Variants in C11orf65 observed in about 807,000 individuals in gnomAD.
C11orf65 encodes chromosome 11 open reading frame 65, also known as protein MFI.
A neutral mutation model predicts 35.3 loss-of-function variants in C11orf65; 38 were observed. The ratio of observed to expected loss-of-function variants is 1.08; its 90% CI spans 0.83 to 1.41. C11orf65 has a LOEUF of 1.41. C11orf65 is among the 40% of genes most tolerant of loss of function. The pLI, the probability that C11orf65 is intolerant of heterozygous loss-of-function variation, is 0.00. For missense variants in C11orf65, 370 were observed against 367.1 expected (o/e 1.01, Z -0.06); for synonymous variants, 105 against 114.4 (o/e 0.92, Z 0.53).
intron 3 of C11orf65, among the ~76,000 whole-genome samples, chr11:108,412,393 C>T (rs2092673645): frequency 6.6e-6 from 1 of 151,892 alleles, no homozygotes; most frequent in African/African-American, 2.4e-5. Flanking sequence ...CTTTAAATGT[C>T]AATGATCTAC....
chr11:108,464,682 C>A (rs1409196508), intron 1 of C11orf65, among the ~76,000 whole-genome samples: 1 of 151,980 alleles, frequency 6.6e-6, no homozygotes, highest in Non-Finnish European at 1.5e-5. Context: ...TGAATTGACT[C>A]TCTCTGGAAA....
intron 6 of C11orf65, among the ~76,000 whole-genome samples, chr11:108,398,600 T>C (rs576180398): frequency 3.9e-4 from 60 of 152,242 alleles, no homozygotes; most frequent in Non-Finnish European, 3.7e-4. Flanking sequence ...TTATTCTTCA[T>C]GTGCATTGGC....
Position 108,367,307 on chromosome 11 carries a change from C to T in C11orf65, c.226+25901G>A, listed in dbSNP as rs114847811. On this transcript the variant is annotated intron_variant, in intron 2 of 3. Coordinates refer to the C11orf65 transcript ENST00000524755. ...CGGCCTCATTCCCCTCATTTTTGAC[C>T]GTAAGGATTTCCCCTTTCTTGTAAG... is the stretch of plus-strand genomic sequence containing the variant. The T allele has an allele frequency of 5.9e-3, 1,067 of 182,350 alleles. 16 individuals are homozygous for T. Among genetic ancestry groups the T allele is most frequent in the African/African-American group, 0.023 (975 of 42,532 alleles). 11.3% of individuals were successfully genotyped at this position (182,350 alleles called of 1,614,324 possible). A position where few individuals can be genotyped will look rare whatever the true frequency, so the allele number is the denominator to read the frequency against.
chr11:108,391,380 AT>A (rs1304403044), intron 7 of C11orf65, among the ~76,000 whole-genome samples: 2 of 151,848 alleles, frequency 1.3e-5, no homozygotes, highest in Non-Finnish European at 2.9e-5. Context: ...ACCATAATGA[AT>A]TTTCTTTTCT....
At chr11:108,427,015 T>A (rs906641081) in intron 3 of C11orf65, among the ~76,000 whole-genome samples, 1 of 152,158 alleles carries the variant, frequency 6.6e-6, no homozygotes. Context: ...CCCCCCTTCC[T>A]TACACCTTAT....
At position 108,354,588 on chromosome 11, in the gene C11orf65, T is replaced by C. The variant is rs55894628; in HGVS notation, c.227-19296A>G. On this transcript the variant is annotated intron_variant, in intron 2 of 3. Transcript: ENST00000524755. ...GCCTGTAATCAATAGTGTTGTGTTATTCTTGTAAATGCCAAGCTTGTGAAA... is the reference window on the plus strand; with the variant it reads ...GCCTGTAATCAATAGTGTTGTGTTACTCTTGTAAATGCCAAGCTTGTGAAA... Among the ~76,000 whole-genome samples the C allele has an allele frequency of 9.0e-3, 1,369 of 152,336 alleles. 20 individuals carry two copies. Among genetic ancestry groups the C allele is most frequent in the African/African-American group, 0.031 (1,292 of 41,572 alleles).
intron 2 of C11orf65, among the ~76,000 whole-genome samples, chr11:108,338,655 T>TAA (rs370655293): frequency 6.9e-6 from 1 of 144,638 alleles, no homozygotes; most frequent in Non-Finnish European, 1.5e-5. Flanking sequence ...GAACTTGTCT[T>TAA]AAAAAAAAAA....
chr11:108,385,035 C>G (rs759713807), intron 8 of C11orf65, among the ~76,000 whole-genome samples: 2 of 152,080 alleles, frequency 1.3e-5, no homozygotes, highest in Non-Finnish European at 2.9e-5. Context: ...CATTTTGAGG[C>G]ATTTATTTTG....
chr11:108,352,202 T>C (rs1160333655), intron 2 of C11orf65, among the ~76,000 whole-genome samples: 1 of 152,218 alleles, frequency 6.6e-6, no homozygotes, highest in Non-Finnish European at 1.5e-5. Context: ...ATGACAATGA[T>C]GTTGGAATTA....
chr11:108,406,623 G>C, intron 5 of C11orf65, 140 bp downstream of exon 5: 1 of 521,542 alleles, frequency 1.9e-6, no homozygotes, highest in South Asian at 3.5e-5. Context: ...AGCAACCCCT[G>C]AGTAGCTAAC....
At chr11:108,308,703 G>A (rs1445738811) in exon 7 of C11orf65, 3 of 311,352 alleles carry the variant, frequency 9.6e-6, no homozygotes, top group Admixed American at 8.6e-5. Flanking sequence ...GAATGAGAGG[G>A]AGAGGTGAGT....
chr11:108,467,070 G>A (rs1023792563), intron 1 of C11orf65, among the ~76,000 whole-genome samples: 2 of 152,204 alleles, frequency 1.3e-5, no homozygotes, highest in Non-Finnish European at 2.9e-5. Flanking sequence ...AGGGGGCAAA[G>A]GAAAGAAATG....
chr11:108,394,763 G>A (rs1351226715), intron 6 of C11orf65, among the ~76,000 whole-genome samples: 2 of 152,202 alleles, frequency 1.3e-5, no homozygotes, highest in East Asian at 1.9e-4. Flanking sequence ...TTATCTGGAT[G>A]TGAATCTTGG....
At chr11:108,354,676 A>G in intron 2 of C11orf65, 5 of 818,452 alleles carry the variant, frequency 6.1e-6, no homozygotes, top group South Asian at 1.4e-5. Flanking sequence ...GCCAAGTATT[A>G]TGCTATTTTG....
chr11:108,329,778 A>C (rs1455086927), downstream of C11orf65, among the ~76,000 whole-genome samples: 1 of 152,234 alleles, frequency 6.6e-6, no homozygotes, highest in Non-Finnish European at 1.5e-5. Flanking sequence ...TTTGTGAATA[A>C]TTCATGCTCT....
chr11:108,314,945 T>A (rs1350363700), intron 6 of C11orf65, among the ~76,000 whole-genome samples: 1 of 152,226 alleles, frequency 6.6e-6, no homozygotes, highest in South Asian at 2.1e-4. Flanking sequence ...CTGGTTGATA[T>A]GTACTTTAGG....
At chr11:108,453,119 G>GTA (rs1555177570) in intron 2 of C11orf65, among the ~76,000 whole-genome samples, 1 of 147,752 alleles carries the variant, frequency 6.8e-6, no homozygotes, top group African/African-American at 2.5e-5. Context: ...TGCACGTTGT[G>GTA]CATGTACCCT....
intron 5 of C11orf65, 47 bp downstream of exon 5, chr11:108,406,716 G>T (rs1591484007): frequency 2.6e-6 from 3 of 1,154,004 alleles, no homozygotes; most frequent in South Asian, 1.9e-5. Context: ...AAGACAAATG[G>T]GTTTCTAAAT....
chr11:108,429,327 T>C (rs2092953102), intron 3 of C11orf65, among the ~76,000 whole-genome samples: 1 of 152,216 alleles, frequency 6.6e-6, no homozygotes, highest in Admixed American at 6.5e-5. Context: ...AGATTGGTTA[T>C]GAATTGCTAA....
Sources: allele counts gnomAD v4.1 joint callset (sites outside exome capture counted in the v4.1 genomes callset), GRCh38; gene constraint gnomAD v4.1.1; transcripts MANE v1.5; gene names NCBI Gene and HGNC (gene_info 2026-07-23, HGNC 2026-07-21).